Variants in BICDL1 observed in about 807,000 individuals in gnomAD.
The protein encoded by BICDL1 is BICD family-like cargo adapter 1.
BICDL1 carries 20 observed loss-of-function variants against 76.8 expected under a neutral mutation model. That is an observed-to-expected ratio of 0.26 (90% CI 0.18 to 0.38). The LOEUF is 0.38. Ranked by LOEUF, BICDL1 falls within the 10% of genes least tolerant of loss-of-function variation. The pLI, the probability that BICDL1 is intolerant of heterozygous loss-of-function variation, is 1.00. For synonymous variants in BICDL1, 383 were observed against 337.1 expected (o/e 1.14, Z -1.49); for missense variants, 700 against 798.6 (o/e 0.88, Z 1.49).
chr12:120,093,490 C>A lies in BICDL1; in HGVS notation c.*329C>A. 1 of 305,572 alleles carries A rather than the reference C, an allele frequency of 3.3e-6. No homozygotes were observed. The highest frequency in any genetic ancestry group is 6.3e-6 in the Non-Finnish European group (1 of 159,864). The allele number at this position is 305,572 out of a possible 1,614,324, so 18.9% of individuals were successfully genotyped here. A position where few individuals can be genotyped will look rare whatever the true frequency, so the allele number is the denominator to read the frequency against. ...GCTTTGCAGCTCACACCCAACAGAT[C>A]GCAGCCCACCCCCAGGCACTGCTGC... On this transcript the variant is annotated 3_prime_UTR_variant, in exon 10 of 10. Transcript: ENST00000548673.
At chr12:120,061,926 G>T in intron 3 of BICDL1, 100 bp downstream of exon 3, 1 of 747,892 alleles carries the variant, frequency 1.3e-6, no homozygotes, top group Non-Finnish European at 2.3e-6. Flanking sequence ...TCTACAGAAA[G>T]ACATTTCTGT....
intron 2 of BICDL1, among the ~76,000 whole-genome samples, chr12:120,044,787 C>T (rs1436006954): frequency 2.0e-5 from 3 of 152,118 alleles, no homozygotes; most frequent in Non-Finnish European, 4.4e-5. Context: ...GGTACCAGTA[C>T]CATGCTGTTT....
At chr12:120,070,715 C>T (rs1398310785) in intron 4 of BICDL1, among the ~76,000 whole-genome samples, 1 of 150,470 alleles carries the variant, frequency 6.6e-6, no homozygotes, top group Non-Finnish European at 1.5e-5. Flanking sequence ...CTACATAGTG[C>T]GATTGGTTGG....
At chr12:120,041,572 G>C (rs538539120) in intron 2 of BICDL1, among the ~76,000 whole-genome samples, 1 of 152,116 alleles carries the variant, frequency 6.6e-6, no homozygotes, top group Non-Finnish European at 1.5e-5. Flanking sequence ...ACTATCTGTC[G>C]GGTGTAATAA....
At chr12:120,013,104 A>G (rs1951986061) in intron 2 of BICDL1, among the ~76,000 whole-genome samples, 2 of 152,180 alleles carry the variant, frequency 1.3e-5, no homozygotes, top group Admixed American at 6.5e-5. Flanking sequence ...TAAGGTCAGG[A>G]GTTCAAGACC....
chr12:120,084,244 C>T (rs886878895), intron 8 of BICDL1, among the ~76,000 whole-genome samples: 4 of 152,146 alleles, frequency 2.6e-5, no homozygotes, highest in Non-Finnish European at 4.4e-5. Flanking sequence ...CCTTGTGAAC[C>T]ACCCGCCCTG....
At chr12:119,994,218 G>GT (rs1319528066) in intron 1 of BICDL1, among the ~76,000 whole-genome samples, 1 of 151,964 alleles carries the variant, frequency 6.6e-6, no homozygotes, top group African/African-American at 2.4e-5. Flanking sequence ...GTCCAGTACT[G>GT]TTTTTTTAAG....
At chr12:120,044,582 C>G (rs575324655) in intron 2 of BICDL1, among the ~76,000 whole-genome samples, 6 of 152,310 alleles carry the variant, frequency 3.9e-5, no homozygotes, top group Admixed American at 3.9e-4. Flanking sequence ...CATTTTCATG[C>G]AATCTCCTTT....
In BICDL1 at chr12:120,094,093, G is replaced by T; in HGVS notation, c.*932G>T. 2 of 418,746 alleles carry T rather than the reference G, an allele frequency of 4.8e-6. No individual in the cohort carries two copies. Among genetic ancestry groups the T allele is most frequent in the South Asian group, 1.7e-5 (1 of 59,786 alleles). The allele number at this position is 418,746 out of a possible 1,614,324, so 25.9% of individuals were successfully genotyped here. On this transcript the variant is annotated 3_prime_UTR_variant, in exon 10 of 10. Transcript: ENST00000548673. ...GAGGGCAGCACAGGCACCACGGGGT[G>T]GAGGGGAGGGGGAGGCTGCCGGAAG...
intron 2 of BICDL1, among the ~76,000 whole-genome samples, chr12:120,047,547 C>T (rs944061507): frequency 6.6e-6 from 1 of 152,052 alleles, no homozygotes; most frequent in Non-Finnish European, 1.5e-5. Context: ...GAGCTAAAGC[C>T]AATATTCTAT....
At chr12:120,092,506 G>GAAT (rs1379143231) in intron 9 of BICDL1, 28 of 985,364 alleles carry the variant, frequency 2.8e-5, no homozygotes, top group African/African-American at 3.5e-5. Context: ...GCTCAGGCTG[G>GAAT]AATAATTGGA....
intron 2 of BICDL1, among the ~76,000 whole-genome samples, chr12:120,036,050 G>A (rs1952524719): frequency 6.6e-6 from 1 of 151,978 alleles, no homozygotes; most frequent in Admixed American, 6.6e-5. Flanking sequence ...TTTTGCTTTG[G>A]TATATTATAT....
chr12:120,004,852 G>A (rs1026755330), intron 2 of BICDL1, among the ~76,000 whole-genome samples: 26 of 152,052 alleles, frequency 1.7e-4, no homozygotes, highest in East Asian at 3.9e-4. Flanking sequence ...ACGGAGTGTC[G>A]CTCTTGTTGC....
At chr12:120,013,264 A>G (rs1951990080) in intron 2 of BICDL1, among the ~76,000 whole-genome samples, 1 of 151,192 alleles carries the variant, frequency 6.6e-6, no homozygotes. Context: ...CAATGAGCCA[A>G]GATCACACCT....
At chr12:120,013,244 G>A (rs1030468723) in intron 2 of BICDL1, among the ~76,000 whole-genome samples, 1 of 150,982 alleles carries the variant, frequency 6.6e-6, no homozygotes, top group Non-Finnish European at 1.5e-5. Context: ...AACCTGGGAG[G>A]TGGAGGTTGC....
intron 8 of BICDL1, among the ~76,000 whole-genome samples, chr12:120,088,307 A>G (rs1160154992): frequency 1.3e-5 from 2 of 152,160 alleles, no homozygotes; most frequent in Admixed American, 6.5e-5. Context: ...CCACTCAGCA[A>G]TATGTTATGA....
At chr12:120,053,878 TA>T (rs1027956020) in intron 2 of BICDL1, among the ~76,000 whole-genome samples, 5 of 151,994 alleles carry the variant, frequency 3.3e-5, no homozygotes, top group Non-Finnish European at 7.4e-5. Flanking sequence ...TTTGTGTATA[TA>T]AAAAACTGTA....
intron 2 of BICDL1, among the ~76,000 whole-genome samples, chr12:120,029,623 T>C (rs923680596): frequency 6.6e-6 from 1 of 152,158 alleles, no homozygotes; most frequent in African/African-American, 2.4e-5. Context: ...GAAATCTGTT[T>C]AATCCAGTGT....
At chr12:120,066,857 A>C (rs774152369) in intron 4 of BICDL1, among the ~76,000 whole-genome samples, 2 of 152,190 alleles carry the variant, frequency 1.3e-5, no homozygotes, top group Admixed American at 1.3e-4. Flanking sequence ...GAATGATCCT[A>C]AACCATATTT....
Sources: allele counts gnomAD v4.1 joint callset (sites outside exome capture counted in the v4.1 genomes callset), GRCh38; gene constraint gnomAD v4.1.1; transcripts MANE v1.5; gene names NCBI Gene and HGNC (gene_info 2026-07-23, HGNC 2026-07-21).